The following MYRIP variants were observed in gnomAD, a reference collection of about 807,000 sequenced individuals.
The protein encoded by MYRIP is myosin VIIA and Rab interacting protein.
In MYRIP, 49 loss-of-function variants were observed where a neutral mutation model predicts 98.0. The observed-to-expected ratio is 0.50, with a 90% confidence interval of 0.40 to 0.63. The LOEUF is 0.63. Ranked by LOEUF, MYRIP falls within the 30% of genes least tolerant of loss-of-function variation. The pLI is 0.00. For missense variants in MYRIP, 1,004 were observed against 1,058.2 expected (o/e 0.95, Z 0.71); for synonymous variants, 404 against 409.5 (o/e 0.99, Z 0.16).
chr3:40,213,481 CAT>C (rs1468639233), intron 11 of MYRIP, among the ~76,000 whole-genome samples: 11 of 152,286 alleles, frequency 7.2e-5, no homozygotes, highest in African/African-American at 2.6e-4. Context: ...TCTGTAACTA[CAT>C]TTGGTGCTCC....
At chr3:40,084,797 A>G (rs1255941080) in intron 3 of MYRIP, among the ~76,000 whole-genome samples, 1 of 38,206 alleles carries the variant, frequency 2.6e-5, no homozygotes, top group Admixed American at 3.8e-4. Context: ...ATGTCGATAG[A>G]TAATATATAT....
At chr3:39,911,094 C>T (rs4676536) in intron 2 of MYRIP, among the ~76,000 whole-genome samples, 67,394 of 151,998 alleles carry the variant, frequency 0.44, 15,189 homozygotes, top group East Asian at 0.54. Flanking sequence ...CAGAATGAAC[C>T]CTTTCATGTT....
intron 10 of MYRIP, among the ~76,000 whole-genome samples, chr3:40,205,463 G>C (rs1475976756): frequency 6.6e-6 from 1 of 152,058 alleles, no homozygotes; most frequent in East Asian, 1.9e-4. Context: ...CTGCTTTCTT[G>C]TTTTCAAAAT....
chr3:39,975,533 A>T (rs1945725932), intron 2 of MYRIP, among the ~76,000 whole-genome samples: 1 of 151,976 alleles, frequency 6.6e-6, no homozygotes, highest in Non-Finnish European at 1.5e-5. Flanking sequence ...TCTTCACAGA[A>T]TTGGAAGAAA....
At chr3:39,964,915 G>A (rs1438273852) in intron 2 of MYRIP, among the ~76,000 whole-genome samples, 1 of 152,030 alleles carries the variant, frequency 6.6e-6, no homozygotes, top group Admixed American at 6.6e-5. Flanking sequence ...GGGTCATTTT[G>A]ATACAGACAT....
chr3:40,038,858 G>C (rs532973378), intron 2 of MYRIP, among the ~76,000 whole-genome samples: 2 of 152,020 alleles, frequency 1.3e-5, no homozygotes, highest in African/African-American at 2.4e-5. Flanking sequence ...TACATATGCA[G>C]CCATTTTTTA....
rs1443314129 is a variant in MYRIP, at chr3:40,030,152, A to G, written c.111-13898A>G. 2.0e-5 allele frequency among the ~76,000 whole-genome samples: 3 copies of G among 152,066 alleles called. No individual in the cohort carries two copies. The East Asian group carries it at 5.8e-4, about 30-fold the overall frequency. ...AAGGGAAGGAAGAGAAAGAAGGGAA[A>G]GAAAGGAAAGAAAGAAGGAAATGGG... On this transcript the variant is annotated intron_variant, in intron 2 of 16. Coordinates refer to ENST00000302541, the MANE Select transcript of MYRIP (RefSeq NM_015460.4).
intron 2 of MYRIP, among the ~76,000 whole-genome samples, chr3:39,943,341 T>C (rs1374177601): frequency 6.6e-6 from 1 of 152,194 alleles, no homozygotes; most frequent in Non-Finnish European, 1.5e-5. Flanking sequence ...GAAAAACAAA[T>C]GGAAAACAAC....
intron 2 of MYRIP, among the ~76,000 whole-genome samples, chr3:40,018,814 A>G (rs539108983): frequency 8.5e-5 from 13 of 152,296 alleles, no homozygotes; most frequent in Admixed American, 7.8e-4. Flanking sequence ...AACTAGTCAC[A>G]AAAAATAAGC....
Position 39,852,464 on chromosome 3 carries a change from T to C in MYRIP, c.-31+42548T>C, listed in dbSNP as rs937690105. 2.0e-5 allele frequency among the ~76,000 whole-genome samples: 3 copies of C among 152,144 alleles called. 1 individual carries two copies. Among genetic ancestry groups the C allele is most frequent in the Admixed American group, 2.0e-4 (3 of 15,282 alleles). On this transcript the variant is annotated intron_variant, in intron 1 of 16. Transcript: ENST00000302541. ...TGGGTAGGCTCTTTAGTGGTAATTT[T>C]TGAGATTTTGGTGCAACTGTCACCT...
chr3:39,893,159 A>C (rs1217260229), intron 1 of MYRIP, among the ~76,000 whole-genome samples: 1 of 152,130 alleles, frequency 6.6e-6, no homozygotes, highest in Admixed American at 6.6e-5. Flanking sequence ...AGGCTGAACT[A>C]TATGTTTTTA....
chr3:40,257,578 T>C (rs1250013847), intron 16 of MYRIP, among the ~76,000 whole-genome samples: 1 of 152,204 alleles, frequency 6.6e-6, no homozygotes, highest in East Asian at 1.9e-4. Flanking sequence ...AGTCATTTCT[T>C]CCCAAATTAA....
intron 1 of MYRIP, among the ~76,000 whole-genome samples, chr3:39,816,498 T>C (rs1349195836): frequency 6.6e-6 from 1 of 152,210 alleles, no homozygotes; most frequent in African/African-American, 2.4e-5. Context: ...TCAGACTGAC[T>C]GAAGAGTTTA....
intron 1 of MYRIP, among the ~76,000 whole-genome samples, chr3:39,877,865 C>T (rs1329361565): frequency 6.6e-6 from 1 of 152,212 alleles, no homozygotes; most frequent in Non-Finnish European, 1.5e-5. Flanking sequence ...AACCACTGCT[C>T]TCTTCAAAGC....
chr3:40,057,024 G>A (rs941990081), intron 3 of MYRIP, among the ~76,000 whole-genome samples: 1 of 152,120 alleles, frequency 6.6e-6, no homozygotes, highest in Non-Finnish European at 1.5e-5. Context: ...AATTACTGCT[G>A]TTATTGATGT....
At chr3:40,229,636 C>A (rs1434754278) in intron 11 of MYRIP, among the ~76,000 whole-genome samples, 2 of 152,220 alleles carry the variant, frequency 1.3e-5, no homozygotes, top group Non-Finnish European at 2.9e-5. Context: ...GTTCCTCTGT[C>A]CTTGTGGCTC....
chr3:40,062,306 C>T (rs1400131000), intron 3 of MYRIP, among the ~76,000 whole-genome samples: 1 of 152,146 alleles, frequency 6.6e-6, no homozygotes, highest in African/African-American at 2.4e-5. Flanking sequence ...CTTCAATCTT[C>T]TGCACATGGC....
intron 2 of MYRIP, among the ~76,000 whole-genome samples, chr3:40,006,946 G>T (rs1946648441): frequency 6.6e-6 from 1 of 152,104 alleles, no homozygotes; most frequent in Non-Finnish European, 1.5e-5. Context: ...ATAGTCTTGA[G>T]CTGCTGGGCT....
At chr3:39,997,971 A>G (rs182564991) in intron 2 of MYRIP, among the ~76,000 whole-genome samples, 17 of 152,344 alleles carry the variant, frequency 1.1e-4, no homozygotes, top group Admixed American at 9.8e-4. Context: ...AAGGCCTTCA[A>G]CAAAATTCAA....
Sources: allele counts gnomAD v4.1 joint callset (sites outside exome capture counted in the v4.1 genomes callset), GRCh38; gene constraint gnomAD v4.1.1; transcripts MANE v1.5; gene names NCBI Gene and HGNC (gene_info 2026-07-23, HGNC 2026-07-21).